Variants in LDLRAD3 observed in about 807,000 individuals in gnomAD.
LDLRAD3 encodes low density lipoprotein receptor class A domain containing 3, also known as low-density lipoprotein receptor class A domain-containing protein 3.
In LDLRAD3, 20 loss-of-function variants were observed where a neutral mutation model predicts 29.4. The ratio of observed to expected loss-of-function variants is 0.68; its 90% CI spans 0.48 to 0.99. LDLRAD3 has a LOEUF of 0.99. Among genes scored for constraint, LDLRAD3 ranks in the 50% least tolerant of loss-of-function variants. LDLRAD3 has a pLI of 0.00. For synonymous variants in LDLRAD3, 157 were observed against 192.7 expected, an observed-to-expected ratio of 0.81 and a Z score of 1.53; for missense variants, 420 against 454.3, an observed-to-expected ratio of 0.92 and a Z score of 0.69.
chr11:36,025,111 T>C (rs1356316324), intron 1 of LDLRAD3, among the ~76,000 whole-genome samples: 2 of 152,258 alleles, frequency 1.3e-5, no homozygotes, highest in African/African-American at 4.8e-5. Flanking sequence ...GCATTTGCTC[T>C]TTCTTTTCCA....
chr11:36,120,555 T>C (rs968844621), intron 4 of LDLRAD3, among the ~76,000 whole-genome samples: 1 of 152,130 alleles, frequency 6.6e-6, no homozygotes, highest in Non-Finnish European at 1.5e-5. Flanking sequence ...GGGAACCTCA[T>C]GAGGCAGTGA....
chr11:36,087,792 G>C (rs1374212586), intron 3 of LDLRAD3, among the ~76,000 whole-genome samples: 2 of 151,826 alleles, frequency 1.3e-5, no homozygotes, highest in African/African-American at 4.8e-5. Context: ...GCTCACTGCA[G>C]CCTTGACTTC....
intron 1 of LDLRAD3, among the ~76,000 whole-genome samples, chr11:35,945,138 A>G (rs1851040631): frequency 6.6e-6 from 1 of 152,184 alleles, no homozygotes; most frequent in Admixed American, 6.5e-5. Flanking sequence ...CTTCAGCAGA[A>G]TCTTGCCTGC....
intron 3 of LDLRAD3, 134 bp from the exon 4 acceptor site, chr11:36,098,193 G>T (rs1465245782): frequency 9.3e-7 from 1 of 1,076,784 alleles, no homozygotes; most frequent in African/African-American, 1.6e-5. Context: ...TACAGCATGG[G>T]CTTTGAGTCT....
At chr11:36,008,779 A>C (rs897550555) in intron 1 of LDLRAD3, among the ~76,000 whole-genome samples, 3 of 152,188 alleles carry the variant, frequency 2.0e-5, no homozygotes, top group Non-Finnish European at 4.4e-5. Context: ...CTGTGTATTC[A>C]CAGGAAACTG....
At chr11:36,137,788 C>T (rs1387843575) in intron 4 of LDLRAD3, among the ~76,000 whole-genome samples, 2 of 152,070 alleles carry the variant, frequency 1.3e-5, no homozygotes, top group East Asian at 1.9e-4. Context: ...TCTTGAAAAA[C>T]GCCGTTGCTG....
At chr11:36,061,064 G>A (rs192034803) in intron 2 of LDLRAD3, among the ~76,000 whole-genome samples, 15 of 152,262 alleles carry the variant, frequency 9.9e-5, no homozygotes, top group Middle Eastern at 3.4e-3. Context: ...TAAAGTCCAC[G>A]AAAGCCCAGA....
chr11:36,211,354 G>A (rs190109250), intron 4 of LDLRAD3, among the ~76,000 whole-genome samples: 3 of 152,298 alleles, frequency 2.0e-5, no homozygotes, highest in African/African-American at 7.2e-5. Flanking sequence ...ACCATTGCTA[G>A]GAGTTTGTAT....
intron 2 of LDLRAD3, among the ~76,000 whole-genome samples, chr11:36,080,954 A>G (rs1022265192): frequency 6.6e-6 from 1 of 152,166 alleles, no homozygotes; most frequent in Non-Finnish European, 1.5e-5. Context: ...TCTGTTCAGC[A>G]TGTACCAAAA....
At chr11:35,994,571 T>G (rs900706368) in intron 1 of LDLRAD3, among the ~76,000 whole-genome samples, 1 of 152,104 alleles carries the variant, frequency 6.6e-6, no homozygotes, top group Non-Finnish European at 1.5e-5. Context: ...TTGCTGAAGG[T>G]TGGGGTGGCT....
At chr11:36,145,083 AG>A (rs1321465183) in intron 4 of LDLRAD3, among the ~76,000 whole-genome samples, 3 of 95,614 alleles carry the variant, frequency 3.1e-5, no homozygotes, top group Admixed American at 9.1e-5. Flanking sequence ...CTGCCCGGCC[AG>A]CCGCCCCGTC....
chr11:36,056,332 A>G (rs1447073725), intron 2 of LDLRAD3, among the ~76,000 whole-genome samples: 1 of 152,164 alleles, frequency 6.6e-6, no homozygotes, highest in Non-Finnish European at 1.5e-5. Flanking sequence ...TTTATATAAT[A>G]GGCACTGTGC....
intron 4 of LDLRAD3, among the ~76,000 whole-genome samples, chr11:36,223,909 A>G (rs919956950): frequency 6.6e-5 from 10 of 151,780 alleles, no homozygotes; most frequent in African/African-American, 1.7e-4. Context: ...TCTAGTGTTC[A>G]TTAGTGAGGG....
chr11:36,120,876 G>C (rs1853745882), intron 4 of LDLRAD3, among the ~76,000 whole-genome samples: 1 of 152,224 alleles, frequency 6.6e-6, no homozygotes, highest in African/African-American at 2.4e-5. Flanking sequence ...GTACAAGGGA[G>C]CACATTCTGT....
At chr11:36,191,669 A>G (rs1022969739) in intron 4 of LDLRAD3, among the ~76,000 whole-genome samples, 6 of 150,238 alleles carry the variant, frequency 4.0e-5, no homozygotes, top group Admixed American at 2.7e-4. Flanking sequence ...TACTTAATGT[A>G]TTTGAATTCG....
At chr11:36,158,984 C>G (rs1347511355) in intron 4 of LDLRAD3, among the ~76,000 whole-genome samples, 1 of 152,110 alleles carries the variant, frequency 6.6e-6, no homozygotes, top group African/African-American at 2.4e-5. Flanking sequence ...TTATTATTAA[C>G]TATAGCTGCC....
In LDLRAD3 at chr11:36,227,352, A is replaced by T. The variant is rs1178517646; in HGVS notation, c.722A>T (p.Tyr241Phe). The change falls in exon 5 of 6, where the codon TAT becomes TTT. Residue 241 changes from tyrosine to phenylalanine, a missense_variant. Physicochemically the swap from Tyr to Phe is conservative, Grantham distance 22 (BLOSUM62 3). Transcript: ENST00000315571. ...VTYNVNNGIQ[Y>F]VASQAEQNAS... is the part of the protein sequence containing the mutation. ...TACAACGTCAATAATGGCATCCAGT[A>T]TGTGGCCAGCCAGGCGGAGCAGAAT... The T allele has an allele frequency of 3.1e-6, 5 of 1,614,120 alleles. No homozygotes were observed. Among genetic ancestry groups the T allele is most frequent in the Non-Finnish European group, 3.4e-6 (4 of 1,180,018 alleles).
chr11:36,057,661 CT>C (rs1852641114), intron 2 of LDLRAD3, among the ~76,000 whole-genome samples: 1 of 152,232 alleles, frequency 6.6e-6, no homozygotes, highest in South Asian at 2.1e-4. Context: ...CCCACTATCT[CT>C]TGGCTGCCCT....
At chr11:35,955,503 A>G (rs1322627981) in intron 1 of LDLRAD3, among the ~76,000 whole-genome samples, 1 of 152,246 alleles carries the variant, frequency 6.6e-6, no homozygotes, top group Non-Finnish European at 1.5e-5. Context: ...TCGGACACGT[A>G]GTAAAATTCA....
Sources: allele counts gnomAD v4.1 joint callset (sites outside exome capture counted in the v4.1 genomes callset), GRCh38; gene constraint gnomAD v4.1.1; transcripts MANE v1.5; gene names NCBI Gene and HGNC (gene_info 2026-07-23, HGNC 2026-07-21).